Variants in WDR12 observed in about 807,000 individuals in gnomAD.
WDR12 encodes ribosome biogenesis protein WDR12.
Under a neutral mutation model 64.3 loss-of-function variants are expected in WDR12, and 42 were observed. The observed-to-expected ratio is 0.65, with a 90% CI of 0.51 to 0.84. WDR12 has a LOEUF of 0.84. Ranked by LOEUF, WDR12 falls within the 40% of genes least tolerant of loss-of-function variation. WDR12 has a pLI of 0.00. For synonymous variants in WDR12, 158 were observed against 173.3 expected (o/e 0.91, Z 0.70); for missense variants, 469 against 494.6 (o/e 0.95, Z 0.49).
At chr2:202,900,589 T>A (rs1205000823) in intron 3 of WDR12, among the ~76,000 whole-genome samples, 1 of 152,104 alleles carries the variant, frequency 6.6e-6, no homozygotes, top group East Asian at 1.9e-4. Context: ...ATATTTTTAA[T>A]CATAAAAGCA....
intron 1 of WDR12, among the ~76,000 whole-genome samples, chr2:202,908,666 C>CT (rs1688506809): frequency 6.6e-6 from 1 of 152,164 alleles, no homozygotes; most frequent in Non-Finnish European, 1.5e-5. Flanking sequence ...ATTTTTACTT[C>CT]TTTTTTGTGG....
At chr2:202,904,138 CAAAAAAAAAAAAAA>C (rs34378996) in intron 2 of WDR12, among the ~76,000 whole-genome samples, 5 of 38,534 alleles carry the variant, frequency 1.3e-4, no homozygotes, top group Non-Finnish European at 2.1e-4. Context: ...AACTCTGTCT[CAAAAAAAAAAAAAA>C]AAAAAAAAAA....
intron 2 of WDR12, among the ~76,000 whole-genome samples, chr2:202,903,324 C>G (rs1688384053): frequency 6.6e-6 from 1 of 151,866 alleles, no homozygotes; most frequent in Non-Finnish European, 1.5e-5. Context: ...TATAATAGAC[C>G]CCCATACTAA....
At chr2:202,908,527 G>C (rs1313721892) in intron 1 of WDR12, among the ~76,000 whole-genome samples, 3 of 152,218 alleles carry the variant, frequency 2.0e-5, no homozygotes, top group Non-Finnish European at 4.4e-5. Flanking sequence ...GACGAAACCA[G>C]AGAGAACATC....
rs1687864301 is a variant in WDR12 at position 202,876,678 on chromosome 2, A to C, written c.*4182T>G. The C allele has an allele frequency of 6.6e-6, 1 of 152,194 alleles. No homozygotes were observed. The highest frequency in any genetic ancestry group is 1.5e-5 in the Non-Finnish European group (1 of 68,042). 9.4% of individuals were successfully genotyped at this position (152,194 alleles called of 1,614,324 possible). A position where few individuals can be genotyped will look rare whatever the true frequency, so the allele number is the denominator to read the frequency against. ...TTTGGCCAGGCACAGTGGCATGCCT[A>C]TAATCCGAGCACTTAGGGAGGCTGA... On this transcript the variant is annotated 3_prime_UTR_variant, in exon 13 of 13. Transcript: ENST00000261015.
At chr2:202,898,080 C>A (rs1030026007) in intron 4 of WDR12, among the ~76,000 whole-genome samples, 3 of 2,666 alleles carry the variant, frequency 1.1e-3, no homozygotes, top group Non-Finnish European at 4.3e-3. Flanking sequence ...ACCACCCCCA[C>A]CCAAAAAAAA....
At position 202,899,032 on chromosome 2, in the gene WDR12, G is replaced by GT. The variant is rs779419072; in HGVS notation, c.338+498dup. Among the ~76,000 whole-genome samples, 343 of 73,678 alleles carry GT rather than the reference G, an allele frequency of 4.7e-3. 44 individuals carry two copies. The highest frequency in any genetic ancestry group is 0.014 in the Middle Eastern group (1 of 72). 48.3% of individuals were successfully genotyped at this position (73,678 alleles called of 152,430 possible). On this transcript the variant is annotated intron_variant, in intron 4 of 12. Coordinates refer to ENST00000261015, the MANE Select transcript of WDR12 (RefSeq NM_018256.4). ...GAGTACCTATTAATAAATACCTGTG[G>GT]TTTTTTTTTTTTTTTTTTTTTTTTT...
intron 8 of WDR12, among the ~76,000 whole-genome samples, chr2:202,890,613 T>C (rs1688138129): frequency 6.6e-6 from 1 of 150,870 alleles, no homozygotes; most frequent in Non-Finnish European, 1.5e-5. Flanking sequence ...ACAAAAAAAA[T>C]ACAAAAAATT....
At chr2:202,883,326 G>T in intron 11 of WDR12, 1 of 266,242 alleles carries the variant, frequency 3.8e-6, no homozygotes, top group Non-Finnish European at 7.2e-6. Flanking sequence ...ATTAGAGACA[G>T]AGTTTCACCA....
intron 11 of WDR12, 194 bp from the exon 12 acceptor site, chr2:202,882,977 T>C: frequency 2.0e-6 from 1 of 493,614 alleles, no homozygotes; most frequent in Non-Finnish European, 3.6e-6. Flanking sequence ...CAGACATTTA[T>C]TATAACAAAT....
At chr2:202,900,335 A>G (rs577443392) in intron 3 of WDR12, among the ~76,000 whole-genome samples, 275 of 151,916 alleles carry the variant, frequency 1.8e-3, no homozygotes, top group African/African-American at 6.3e-3. Context: ...TCTCAGAAAA[A>G]AAAAAAAAAA....
intron 1 of WDR12, 25 bp from the exon 2 acceptor site, chr2:202,907,984 A>C (rs1320827886): frequency 6.3e-7 from 1 of 1,588,804 alleles, no homozygotes; most frequent in South Asian, 1.1e-5. Flanking sequence ...TGATATGTCA[A>C]GATCAAGTCT....
intron 7 of WDR12, among the ~76,000 whole-genome samples, chr2:202,894,112 G>A (rs1688199548): frequency 6.6e-6 from 1 of 151,462 alleles, no homozygotes; most frequent in Non-Finnish European, 1.5e-5. Context: ...GGGGTGGTGG[G>A]GTAGGAAAAA....
intron 7 of WDR12, among the ~76,000 whole-genome samples, chr2:202,894,233 G>A (rs1317228915): frequency 7.6e-6 from 1 of 131,924 alleles, no homozygotes; most frequent in South Asian, 2.4e-4. Flanking sequence ...TTTTTTTTTT[G>A]AGACAGGTTC....
chr2:202,892,784 A>G (rs1486864923), intron 7 of WDR12, 82 bp from the exon 8 acceptor site: 2 of 1,031,932 alleles, frequency 1.9e-6, no homozygotes, highest in South Asian at 1.7e-5. Flanking sequence ...ACATTTCCAG[A>G]TATAGTTTTT....
chr2:202,886,498 G>T (rs1055640199), intron 8 of WDR12, among the ~76,000 whole-genome samples: 9 of 151,394 alleles, frequency 5.9e-5, no homozygotes, highest in African/African-American at 2.2e-4. Context: ...GCTGGGTGCG[G>T]TGGCTCACAC....
At chr2:202,899,882 T>G (rs1275593525) in intron 3 of WDR12, among the ~76,000 whole-genome samples, 5 of 152,226 alleles carry the variant, frequency 3.3e-5, no homozygotes, top group African/African-American at 1.2e-4. Flanking sequence ...CTATTAACAT[T>G]AGGAAAGCTG....
At position 202,911,561 on chromosome 2, in the gene WDR12, A is replaced by C; in HGVS notation, c.-85T>G. On this transcript the variant is annotated 5_prime_UTR_variant, in exon 1 of 13. Coordinates refer to ENST00000261015, the MANE Select transcript of WDR12 (RefSeq NM_018256.4). ...AAGCTCCTGCCTTTTAAGACTACAA[A>C]GAGGCAGCTCAAAATTAGACTGCAC... 7.7e-7 allele frequency: 1 copy of C among 1,306,460 alleles called. No individual in the cohort carries two copies. 80.9% of individuals were successfully genotyped at this position (1,306,460 alleles called of 1,614,324 possible).
Position 202,875,452 on chromosome 2 carries a change from G to A in WDR12, c.*5408C>T, listed in dbSNP as rs141336163. On this transcript the variant is annotated 3_prime_UTR_variant, in exon 13 of 13. Coordinates refer to ENST00000261015, the MANE Select transcript of WDR12 (RefSeq NM_018256.4). ...TGCCCAGGATGGAGTGCAATGGCGC[G>A]ATCTTGGCTCACCACAACCTCCACC... 1.8e-4 allele frequency: 27 copies of A among 149,222 alleles called. No individual in the cohort carries two copies. The highest frequency in any genetic ancestry group is 1.5e-3 in the Admixed American group (22 of 14,742). 9.2% of individuals were successfully genotyped at this position (149,222 alleles called of 1,614,324 possible).
Sources: allele counts gnomAD v4.1 joint callset (sites outside exome capture counted in the v4.1 genomes callset), GRCh38; gene constraint gnomAD v4.1.1; transcripts MANE v1.5; gene names NCBI Gene and HGNC (gene_info 2026-07-23, HGNC 2026-07-21).